Variants in MALRD1 observed in about 807,000 individuals in gnomAD.
MALRD1 encodes MAM and LDL receptor class A domain containing 1.
A neutral mutation model predicts 242.1 loss-of-function variants in MALRD1; 247 were observed. That is an observed-to-expected ratio of 1.02 (90% CI 0.92 to 1.13). The LOEUF is 1.13. Ranked by LOEUF, MALRD1 falls within the 50% of genes most tolerant of loss-of-function variation. The probability of loss-of-function intolerance (pLI) is 0.00; values close to 1 mark genes in which losing one functional copy is unlikely to be tolerated. For synonymous variants in MALRD1, 995 were observed against 866.6 expected (o/e 1.15, Z -2.60); for missense variants, 2,989 against 2,533.1 (o/e 1.18, Z -3.86).
intron 12 of MALRD1, among the ~76,000 whole-genome samples, chr10:19,164,451 C>T (rs1387321766): frequency 2.0e-5 from 3 of 151,956 alleles, no homozygotes; most frequent in Admixed American, 2.0e-4. Context: ...ATATAATGAA[C>T]CTGAAAAAAT....
chr10:19,145,487 T>TA (rs200561580), intron 10 of MALRD1, among the ~76,000 whole-genome samples: 63 of 147,964 alleles, frequency 4.3e-4, no homozygotes, highest in African/African-American at 5.7e-4. Context: ...CTCCTAAAAA[T>TA]AAAAAAAAAA....
At chr10:19,523,320 G>C (rs2131323170) in intron 31 of MALRD1, among the ~76,000 whole-genome samples, 1 of 152,216 alleles carries the variant, frequency 6.6e-6, no homozygotes, top group East Asian at 1.9e-4. Context: ...ATATATTTCT[G>C]TTTCAATGAA....
chr10:19,289,666 G>C (rs7908430), intron 21 of MALRD1, among the ~76,000 whole-genome samples: 6,972 of 152,122 alleles, frequency 0.046, 271 homozygotes, highest in African/African-American at 0.11. Flanking sequence ...TTATGCATCA[G>C]ATATCCTACT....
intron 12 of MALRD1, among the ~76,000 whole-genome samples, chr10:19,161,994 C>T (rs891914526): frequency 1.3e-5 from 2 of 152,148 alleles, no homozygotes; most frequent in African/African-American, 4.8e-5. Context: ...CGCCACTGCA[C>T]TCCAGCCTGG....
At chr10:19,101,741 C>T (rs1564391978) in intron 4 of MALRD1, among the ~76,000 whole-genome samples, 1 of 134,566 alleles carries the variant, frequency 7.4e-6, no homozygotes, top group East Asian at 2.1e-4. Context: ...CATTATATCA[C>T]ATATATAATA....
intron 29 of MALRD1, among the ~76,000 whole-genome samples, chr10:19,481,824 T>A (rs1208312458): frequency 6.6e-6 from 1 of 152,098 alleles, no homozygotes; most frequent in Non-Finnish European, 1.5e-5. Flanking sequence ...CAATTTATAT[T>A]AACACGCCAG....
At chr10:19,334,129 T>TTTG (rs1554834538) in intron 24 of MALRD1, among the ~76,000 whole-genome samples, 1 of 147,352 alleles carries the variant, frequency 6.8e-6, no homozygotes, top group Non-Finnish European at 1.5e-5. Flanking sequence ...GTTTTTTTTT[T>TTTG]TTTTTTTTTT....
At chr10:19,263,558 C>G (rs1449887651) in intron 19 of MALRD1, among the ~76,000 whole-genome samples, 5 of 151,916 alleles carry the variant, frequency 3.3e-5, no homozygotes, top group Non-Finnish European at 5.9e-5. Flanking sequence ...TTGATATTAA[C>G]TCCTTATTGG....
intron 29 of MALRD1, among the ~76,000 whole-genome samples, chr10:19,458,350 AACTT>A (rs779601715): frequency 2.0e-5 from 3 of 152,202 alleles, no homozygotes; most frequent in Middle Eastern, 3.2e-3. Context: ...GTTCTCTTCC[AACTT>A]ACTTATCAAT....
At chr10:19,304,047 T>C (rs1338929600) in intron 21 of MALRD1, among the ~76,000 whole-genome samples, 1 of 151,706 alleles carries the variant, frequency 6.6e-6, no homozygotes, top group Non-Finnish European at 1.5e-5. Flanking sequence ...TGTCTGGGTA[T>C]GTGAGGGTGT....
At chr10:19,622,226 A>G (rs1018998888) in intron 36 of MALRD1, among the ~76,000 whole-genome samples, 1 of 151,726 alleles carries the variant, frequency 6.6e-6, no homozygotes, top group African/African-American at 2.4e-5. Flanking sequence ...TACATGAAAA[A>G]CCCTAGAGAA....
At chr10:19,084,999 G>T (rs1293382674) in intron 2 of MALRD1, among the ~76,000 whole-genome samples, 1 of 151,924 alleles carries the variant, frequency 6.6e-6, no homozygotes, top group Non-Finnish European at 1.5e-5. Flanking sequence ...CTATAATGAG[G>T]ATGGTGTAGA....
chr10:19,150,982 A>G (rs1833926932), intron 11 of MALRD1, among the ~76,000 whole-genome samples: 1 of 152,152 alleles, frequency 6.6e-6, no homozygotes, highest in East Asian at 1.9e-4. Flanking sequence ...TAAGCAAGAT[A>G]TGTATTTATA....
intron 28 of MALRD1, among the ~76,000 whole-genome samples, chr10:19,411,711 C>T (rs1287896031): frequency 6.6e-6 from 1 of 152,148 alleles, no homozygotes; most frequent in Non-Finnish European, 1.5e-5. Flanking sequence ...TAATTCCACA[C>T]ACAGCCTTTA....
intron 28 of MALRD1, among the ~76,000 whole-genome samples, chr10:19,412,240 G>A (rs757309052): frequency 1.8e-4 from 27 of 152,176 alleles, no homozygotes; most frequent in African/African-American, 4.8e-4. Flanking sequence ...GCAGTGAGCC[G>A]AAATCACGCC....
chr10:19,130,604 A>G (rs1284287413), intron 8 of MALRD1, among the ~76,000 whole-genome samples: 2 of 152,132 alleles, frequency 1.3e-5, no homozygotes, highest in Non-Finnish European at 2.9e-5. Flanking sequence ...CTGCTCTGAA[A>G]ATGAGTGATG....
At chr10:19,465,337 G>A (rs1836164829) in intron 29 of MALRD1, among the ~76,000 whole-genome samples, 1 of 152,088 alleles carries the variant, frequency 6.6e-6, no homozygotes, top group African/African-American at 2.4e-5. Flanking sequence ...TATTCTGTTG[G>A]TTGTCAGTTT....
intron 21 of MALRD1, among the ~76,000 whole-genome samples, chr10:19,319,972 A>G (rs576020328): frequency 6.7e-6 from 1 of 149,160 alleles, no homozygotes; most frequent in South Asian, 2.2e-4. Flanking sequence ...TAATTTTTAG[A>G]GTTATTTTCT....
chr10:19,420,515 G>A (rs1292015471), intron 28 of MALRD1, among the ~76,000 whole-genome samples: 1 of 151,954 alleles, frequency 6.6e-6, no homozygotes, highest in Non-Finnish European at 1.5e-5. Flanking sequence ...ATGAAAAACA[G>A]AGGAATAAGT....
Sources: allele counts gnomAD v4.1 joint callset (sites outside exome capture counted in the v4.1 genomes callset), GRCh38; gene constraint gnomAD v4.1.1; transcripts MANE v1.5; gene names NCBI Gene and HGNC (gene_info 2026-07-23, HGNC 2026-07-21).